UNC80: variants seen among roughly 807,000 people sequenced by gnomAD.
The protein encoded by UNC80 is protein unc-80 homolog.
In UNC80, 164 loss-of-function variants were observed where a neutral mutation model predicts 384.6. That is an observed-to-expected ratio of 0.43 (90% CI 0.38 to 0.49). UNC80 has a LOEUF of 0.49. UNC80 is among the 20% of genes least tolerant of loss of function. The pLI is 0.00. For synonymous variants in UNC80, 1,486 were observed against 1,527.8 expected (o/e 0.97, Z 0.64); for missense variants, 3,330 against 4,143.0 (o/e 0.80, Z 5.39).
intron 53 of UNC80, chr2:209,970,127 G>C (rs2092841217): frequency 2.0e-6 from 1 of 491,204 alleles, no homozygotes. Context: ...GCACTACTTT[G>C]ACAATTCACC....
At chr2:209,918,869 A>C (rs2089790311) in intron 33 of UNC80, among the ~76,000 whole-genome samples, 1 of 152,232 alleles carries the variant, frequency 6.6e-6, no homozygotes, top group Admixed American at 6.5e-5. Context: ...CTTGTTTTAT[A>C]ATCAAAGCAG....
At chr2:209,799,024 T>C (rs905579645) in intron 7 of UNC80, among the ~76,000 whole-genome samples, 1 of 150,678 alleles carries the variant, frequency 6.6e-6, no homozygotes, top group Non-Finnish European at 1.5e-5. Context: ...CATATACAAT[T>C]TAAAATAAAT....
chr2:209,846,902 T>C (rs2082210755), intron 21 of UNC80, among the ~76,000 whole-genome samples: 1 of 152,074 alleles, frequency 6.6e-6, no homozygotes, highest in Admixed American at 6.6e-5. Context: ...TCATTAAAAA[T>C]ACAGGAGAAA....
At chr2:209,987,357 G>A (rs1237721363) in intron 61 of UNC80, among the ~76,000 whole-genome samples, 3 of 152,010 alleles carry the variant, frequency 2.0e-5, no homozygotes, top group Non-Finnish European at 2.9e-5. Flanking sequence ...CCCAGAAATA[G>A]CCTATTAGAA....
At chr2:209,923,278 G>A (rs768985927) in intron 35 of UNC80, among the ~76,000 whole-genome samples, 6 of 151,932 alleles carry the variant, frequency 3.9e-5, no homozygotes, top group East Asian at 1.9e-4. Flanking sequence ...ATCCAAGGTC[G>A]CAATTTGTCT....
rs970321519 is a variant in UNC80 at position 209,933,387 on chromosome 2, A to C, written c.5995-435A>C. On this transcript the variant is annotated intron_variant, in intron 38 of 64. Coordinates refer to ENST00000673920, the MANE Select transcript of UNC80 (RefSeq NM_001371986.1). ...CACGTGTACCCCTGAATTTAGAAAC[A>C]AAAAAAAAGAAGACACACAAAAATT... 4.0e-4 allele frequency among the ~76,000 whole-genome samples: 61 copies of C among 151,370 alleles called. 1 individual carries two copies. The highest frequency in any genetic ancestry group is 1.4e-3 in the African/African-American group (58 of 41,286).
At chr2:209,774,425 G>C (rs1032330534) in intron 2 of UNC80, among the ~76,000 whole-genome samples, 5 of 151,954 alleles carry the variant, frequency 3.3e-5, no homozygotes, top group African/African-American at 1.2e-4. Flanking sequence ...GATATTTTTG[G>C]CATTTTTAAT....
chr2:209,861,140 A>G (rs950218569), intron 22 of UNC80, among the ~76,000 whole-genome samples: 2 of 152,192 alleles, frequency 1.3e-5, no homozygotes, highest in African/African-American at 4.8e-5. Flanking sequence ...TTCAAAGGGA[A>G]TGCTTCCAGC....
At chr2:209,816,194 A>T (rs535166574) in intron 9 of UNC80, among the ~76,000 whole-genome samples, 1 of 152,358 alleles carries the variant, frequency 6.6e-6, no homozygotes, top group South Asian at 2.1e-4. Flanking sequence ...GATAATTTTT[A>T]AGGAGCTTTA....
At chr2:209,945,334 A>G in intron 46 of UNC80, 145 bp downstream of exon 46, 2 of 843,574 alleles carry the variant, frequency 2.4e-6, no homozygotes, top group Non-Finnish European at 3.4e-6. Context: ...GAACAGTAGT[A>G]GAAATTGAAT....
At position 209,982,282 on chromosome 2, in the gene UNC80, A is replaced by G. The variant is rs1482119735; in HGVS notation, c.9222A>G (p.Val3074=). 1 of 1,551,606 alleles carries G rather than the reference A, an allele frequency of 6.4e-7. No individual in the cohort carries two copies. Among genetic ancestry groups the G allele is most frequent in the Admixed American group, 2.0e-5 (1 of 50,992 alleles). Residue 3074 remains valine (V), a synonymous_variant, in exon 60 of 65, where the codon GTA becomes GTG. Transcript: ENST00000673920. ...RFSSHVSSMS[V]PQAEVGMLPS... is the part of the protein sequence containing the mutation. ...CCAGCCATGTCTCCAGCATGTCTGT[A>G]CCTCAGGCTGAGGTGGGCATGCTAC... is the stretch of plus-strand genomic sequence containing the variant.
intron 47 of UNC80, among the ~76,000 whole-genome samples, chr2:209,949,558 A>T (rs1234181048): frequency 1.3e-5 from 2 of 151,564 alleles, no homozygotes; most frequent in Non-Finnish European, 2.9e-5. Flanking sequence ...GCTCACTGCA[A>T]CCTCTGCCTC....
intron 60 of UNC80, 70 bp downstream of exon 60, chr2:209,982,387 G>A (rs2093178304): frequency 9.0e-6 from 13 of 1,441,974 alleles, no homozygotes; most frequent in Non-Finnish European, 1.2e-5. Flanking sequence ...ATACACTCCT[G>A]TTATTCTACA....
At chr2:209,818,110 C>T (rs2079874855) in intron 11 of UNC80, among the ~76,000 whole-genome samples, 158 bp downstream of exon 11, 1 of 152,164 alleles carries the variant, frequency 6.6e-6, no homozygotes, top group Non-Finnish European at 1.5e-5. Flanking sequence ...CTTAGCATAT[C>T]CTTAGTAGCA....
At chr2:209,775,669 A>T (rs1277754784) in intron 2 of UNC80, among the ~76,000 whole-genome samples, 1 of 152,202 alleles carries the variant, frequency 6.6e-6, no homozygotes, top group Non-Finnish European at 1.5e-5. Context: ...AAAGCCTGCA[A>T]ATGGGTAGAT....
At chr2:209,798,597 T>A (rs1349623839) in intron 7 of UNC80, among the ~76,000 whole-genome samples, 2 of 152,188 alleles carry the variant, frequency 1.3e-5, no homozygotes, top group African/African-American at 4.8e-5. Flanking sequence ...GATAGTGTGA[T>A]GCCTCCAGCT....
At chr2:209,950,003 AT>A (rs1437484293) in intron 47 of UNC80, among the ~76,000 whole-genome samples, 2 of 147,790 alleles carry the variant, frequency 1.4e-5, no homozygotes, top group East Asian at 2.1e-4. Flanking sequence ...AAGTTTTTTG[AT>A]TTTTTGAGAG....
chr2:209,866,128 C>G (rs2083741202), intron 22 of UNC80, among the ~76,000 whole-genome samples: 1 of 152,082 alleles, frequency 6.6e-6, no homozygotes, highest in Admixed American at 6.5e-5. Flanking sequence ...GATATTTATT[C>G]TAAAAATTCT....
At chr2:209,959,381 A>G (rs1156442736) in intron 50 of UNC80, 108 bp from the exon 51 acceptor site, 2 of 1,181,570 alleles carry the variant, frequency 1.7e-6, no homozygotes. Context: ...CTACTGATTC[A>G]TTAACTCATT....
Sources: allele counts gnomAD v4.1 joint callset (sites outside exome capture counted in the v4.1 genomes callset), GRCh38; gene constraint gnomAD v4.1.1; transcripts MANE v1.5; gene names NCBI Gene and HGNC (gene_info 2026-07-23, HGNC 2026-07-21).